Variants in CACNA1A observed in about 807,000 individuals in gnomAD.
CACNA1A encodes calcium voltage-gated channel subunit alpha1 A, also known as voltage-dependent P/Q-type calcium channel subunit alpha-1A.
Under a neutral mutation model 262.4 loss-of-function variants are expected in CACNA1A, and 57 were observed. That is an observed-to-expected ratio of 0.22 (90% confidence interval 0.18 to 0.27). CACNA1A has a LOEUF of 0.27. Ranked by LOEUF, CACNA1A falls within the 10% of genes least tolerant of loss-of-function variation. The pLI, the probability that CACNA1A is intolerant of heterozygous loss-of-function variation, is 1.00. For synonymous variants in CACNA1A, 1,431 were observed against 1,419.3 expected (o/e 1.01, Z -0.18); for missense variants, 2,526 against 3,562.8 (o/e 0.71, Z 7.41).
chr19:13,246,033 G>A lies in CACNA1A; in HGVS notation c.4867-768C>T, dbSNP rs191116820. On this transcript the variant is annotated intron_variant, in intron 30 of 46. Coordinates refer to ENST00000360228, the MANE Select transcript of CACNA1A (RefSeq NM_001127222.2). ...TGCCTGAGGCTAGCAGCACAGAGATGTAAAGCCAGGATTTGAACCCAGGCC... is the reference window on the plus strand; with the variant it reads ...TGCCTGAGGCTAGCAGCACAGAGATATAAAGCCAGGATTTGAACCCAGGCC... Among the ~76,000 whole-genome samples the A allele has an allele frequency of 1.8e-3, 271 of 152,298 alleles. 1 individual carries two copies. Among genetic ancestry groups the A allele is most frequent in the Non-Finnish European group, 2.7e-3 (184 of 68,030 alleles).
chr19:13,269,433 G>T (rs1000203907), intron 24 of CACNA1A, among the ~76,000 whole-genome samples: 9 of 152,198 alleles, frequency 5.9e-5, no homozygotes, highest in African/African-American at 2.2e-4. Flanking sequence ...TCATACACAA[G>T]AAAAATAATG....
At chr19:13,314,011 C>T (rs1039425256) in intron 11 of CACNA1A, among the ~76,000 whole-genome samples, 3 of 152,126 alleles carry the variant, frequency 2.0e-5, no homozygotes, top group East Asian at 3.8e-4. Flanking sequence ...TTGAGTAAGA[C>T]AAAGCCTTTT....
At chr19:13,322,314 G>A (rs1010190515) in intron 10 of CACNA1A, among the ~76,000 whole-genome samples, 4 of 151,932 alleles carry the variant, frequency 2.6e-5, no homozygotes, top group Admixed American at 6.6e-5. Flanking sequence ...ACCAAGTATC[G>A]CTGGCAGCAC....
chr19:13,289,896 T>G (rs1259530193), intron 19 of CACNA1A, among the ~76,000 whole-genome samples: 1 of 148,906 alleles, frequency 6.7e-6, no homozygotes, highest in East Asian at 1.9e-4. Flanking sequence ...GTTTCTATAT[T>G]ATATATATAA....
chr19:13,414,083 G>A (rs1215956018), intron 3 of CACNA1A, among the ~76,000 whole-genome samples: 1 of 151,902 alleles, frequency 6.6e-6, no homozygotes, highest in Non-Finnish European at 1.5e-5. Flanking sequence ...AATTAGCCAG[G>A]TGTGTTGGTG....
At position 13,208,753 on chromosome 19, in the gene CACNA1A, C is replaced by G. The variant is rs1307510001; in HGVS notation, c.6780+3G>C. On this transcript the variant is annotated splice_donor_region_variant and intron_variant, in intron 46 of 46. Transcript: ENST00000360228. Reference sequence around the variant, plus strand: ...GCCTGGGGTCACTTGCAGCCGCACCCACCTGCCGGTGCGCCATGTGCTCTC... The same window carrying G: ...GCCTGGGGTCACTTGCAGCCGCACCGACCTGCCGGTGCGCCATGTGCTCTC... 32 of 1,573,814 alleles carry G rather than the reference C, an allele frequency of 2.0e-5. No homozygotes were observed. Among genetic ancestry groups the G allele is most frequent in the Admixed American group, 3.4e-5 (2 of 58,032 alleles).
intron 25 of CACNA1A, 194 bp from the exon 26 acceptor site, chr19:13,261,804 T>C: frequency 1.8e-6 from 1 of 568,596 alleles, no homozygotes; most frequent in Non-Finnish European, 3.1e-6. Context: ...AATCCTGGCA[T>C]TCTATGGATC....
intron 3 of CACNA1A, among the ~76,000 whole-genome samples, chr19:13,414,350 T>G (rs2060184860): frequency 6.6e-6 from 1 of 151,894 alleles, no homozygotes. Context: ...GAGTAAGCTG[T>G]GATTGCGCCA....
rs1568557167 is a variant in CACNA1A, at chr19:13,346,639, TA to T, written c.979-10731del. Among the ~76,000 whole-genome samples, 45 of 8,838 alleles carry T rather than the reference TA, an allele frequency of 5.1e-3. 1 individual carries two copies. The highest frequency in any genetic ancestry group is 7.9e-3 in the Non-Finnish European group (35 of 4,458). The allele number at this position is 8,838 out of a possible 152,430, so 5.8% of individuals were successfully genotyped here. On this transcript the variant is annotated intron_variant, in intron 6 of 46. Coordinates refer to ENST00000360228, the MANE Select transcript of CACNA1A (RefSeq NM_001127222.2). ...GATTATATATATATATATATATATA[TA>T]TATATATATATATATATATATATAT...
intron 3 of CACNA1A, among the ~76,000 whole-genome samples, chr19:13,373,475 G>C (rs995643773): frequency 6.6e-6 from 1 of 152,196 alleles, no homozygotes; most frequent in African/African-American, 2.4e-5. Flanking sequence ...AGATTGCTGG[G>C]AGTTGGTGGA....
At chr19:13,292,642 G>A (rs962797280) in intron 19 of CACNA1A, among the ~76,000 whole-genome samples, 2 of 152,042 alleles carry the variant, frequency 1.3e-5, no homozygotes, top group Non-Finnish European at 2.9e-5. Flanking sequence ...CAATATGCTG[G>A]AGAATGAAAA....
chr19:13,282,812 T>G (rs1272016542), intron 22 of CACNA1A, among the ~76,000 whole-genome samples: 1 of 152,172 alleles, frequency 6.6e-6, no homozygotes, highest in Non-Finnish European at 1.5e-5. Flanking sequence ...GCAAAGGGGC[T>G]TGCTTTCATA....
intron 10 of CACNA1A, among the ~76,000 whole-genome samples, chr19:13,321,111 GC>G (rs1353399697): frequency 6.8e-6 from 1 of 146,828 alleles, no homozygotes; most frequent in East Asian, 2.0e-4. Context: ...TTGGCTCATT[GC>G]AACCTCTGCC....
chr19:13,429,949 G>A (rs1316670189), intron 3 of CACNA1A, among the ~76,000 whole-genome samples: 5 of 143,586 alleles, frequency 3.5e-5, no homozygotes, highest in Non-Finnish European at 6.1e-5. Context: ...AACGGCGGGT[G>A]CCAGGGGCTG....
chr19:13,348,923 G>A (rs760848087), intron 6 of CACNA1A, among the ~76,000 whole-genome samples: 24 of 146,808 alleles, frequency 1.6e-4, no homozygotes, highest in African/African-American at 5.8e-4. Flanking sequence ...CACAAGAATC[G>A]CTTGAACCCA....
At position 13,440,843 on chromosome 19, in the gene CACNA1A, C is replaced by T. The variant is rs539743852; in HGVS notation, c.539+12033G>A. 7.2e-5 allele frequency among the ~76,000 whole-genome samples: 11 copies of T among 152,306 alleles called. No individual in the cohort carries two copies. In the East Asian group the frequency reaches 2.1e-3, roughly 29 times the overall value. On this transcript the variant is annotated intron_variant, in intron 3 of 46. Coordinates refer to ENST00000360228, the MANE Select transcript of CACNA1A (RefSeq NM_001127222.2). ...TTGTTTTGTTTGTTTGAGACAAGGT[C>T]TCGCTCTGTTGGACTGCAGTGGTGC...
intron 3 of CACNA1A, among the ~76,000 whole-genome samples, chr19:13,434,928 C>T (rs1313211806): frequency 1.3e-5 from 2 of 150,640 alleles, no homozygotes; most frequent in South Asian, 2.1e-4. Context: ...TAGCTGGGAC[C>T]ACAGGCGCGT....
intron 3 of CACNA1A, among the ~76,000 whole-genome samples, chr19:13,429,141 C>A (rs1449715119): frequency 6.7e-6 from 1 of 150,116 alleles, no homozygotes; most frequent in African/African-American, 2.5e-5. Context: ...TGTCATTTCT[C>A]CCCCTCCAGC....
At chr19:13,410,794 G>T (rs2060097379) in intron 3 of CACNA1A, among the ~76,000 whole-genome samples, 1 of 152,004 alleles carries the variant, frequency 6.6e-6, no homozygotes, top group Non-Finnish European at 1.5e-5. Context: ...AGCATCAGTG[G>T]ACATCATTGA....
Sources: allele counts gnomAD v4.1 joint callset (sites outside exome capture counted in the v4.1 genomes callset), GRCh38; gene constraint gnomAD v4.1.1; transcripts MANE v1.5; gene names NCBI Gene and HGNC (gene_info 2026-07-23, HGNC 2026-07-21).